The following DISP1 variants were observed in gnomAD, a reference collection of about 807,000 sequenced individuals.
DISP1 encodes dispatched RND transporter family member 1, also known as protein dispatched homolog 1.
Under a neutral mutation model 37.3 loss-of-function variants are expected in DISP1, and 30 were observed. The ratio of observed to expected loss-of-function variants is 0.80; its 90% confidence interval spans 0.60 to 1.09. DISP1 has a LOEUF of 1.09. DISP1 is among the 50% of genes least tolerant of loss of function. The pLI is 0.00. For missense variants in DISP1, 1,598 were observed against 1,879.5 expected, an observed-to-expected ratio of 0.85 and a Z score of 2.77; for synonymous variants, 634 against 690.2, an observed-to-expected ratio of 0.92 and a Z score of 1.28.
intron 1 of DISP1, among the ~76,000 whole-genome samples, chr1:222,824,601 TG>T (rs1255401628): frequency 6.6e-6 from 1 of 152,198 alleles, no homozygotes; most frequent in Non-Finnish European, 1.5e-5. Flanking sequence ...TTTAAGTATT[TG>T]TTAAATGTAA....
At chr1:222,909,526 T>C (rs1340500000) in intron 1 of DISP1, among the ~76,000 whole-genome samples, 1 of 152,210 alleles carries the variant, frequency 6.6e-6, no homozygotes, top group Non-Finnish European at 1.5e-5. Context: ...TTATCAGCAT[T>C]TATCAACTCT....
chr1:222,931,288 T>G lies in DISP1; in HGVS notation c.-18+2718T>G, dbSNP rs1266491251. 3.3e-5 allele frequency among the ~76,000 whole-genome samples: 5 copies of G among 150,498 alleles called. No homozygotes were observed. In the East Asian group the frequency reaches 7.9e-4, roughly 24 times the overall value. ...TTAGTTTGATTTACCTCAGTGATGT[T>G]TTTTTTTTTTCCTTTGGGCTGCTAA... On this transcript the variant is annotated intron_variant, in intron 2 of 8. Coordinates refer to ENST00000675850, the MANE Select transcript of DISP1 (RefSeq NM_001377229.1).
chr1:222,972,153 A>G (rs545906398), intron 3 of DISP1, among the ~76,000 whole-genome samples: 121 of 152,252 alleles, frequency 7.9e-4, no homozygotes, highest in African/African-American at 2.9e-3. Flanking sequence ...GAAATATGTT[A>G]TAACATGCAT....
At position 222,930,706 on chromosome 1, in the gene DISP1, A is replaced by G. The variant is rs77787400; in HGVS notation, c.-18+2136A>G. Among the ~76,000 whole-genome samples, 239 of 152,246 alleles carry G rather than the reference A, an allele frequency of 1.6e-3. 1 individual carries two copies. Among genetic ancestry groups the G allele is most frequent in the African/African-American group, 5.5e-3 (230 of 41,574 alleles). ...TGTAATTTCAGTTCATCTAATATAT[A>G]CAAGAAAGCAAACAGCAGAATTCAT... On this transcript the variant is annotated intron_variant, in intron 2 of 8. Coordinates refer to ENST00000675850, the MANE Select transcript of DISP1 (RefSeq NM_001377229.1).
At chr1:222,913,768 G>A (rs1176979997) in intron 1 of DISP1, among the ~76,000 whole-genome samples, 3 of 151,594 alleles carry the variant, frequency 2.0e-5, no homozygotes, top group Admixed American at 1.3e-4. Flanking sequence ...AAAAAGGAGT[G>A]AATAAAATAG....
chr1:222,948,234 C>T, intron 3 of DISP1, among the ~76,000 whole-genome samples: 1 of 152,188 alleles, frequency 6.6e-6, no homozygotes, highest in East Asian at 1.9e-4. Flanking sequence ...CATGACAATG[C>T]ACTGAGGGCA....
intron 1 of DISP1, among the ~76,000 whole-genome samples, chr1:222,921,394 T>A (rs1267432508): frequency 6.6e-6 from 1 of 152,188 alleles, no homozygotes; most frequent in Non-Finnish European, 1.5e-5. Flanking sequence ...CTCTTTATTT[T>A]TTTTTCCTTG....
intron 4 of DISP1, among the ~76,000 whole-genome samples, chr1:222,985,415 G>T (rs1678200334): frequency 6.6e-6 from 1 of 152,204 alleles, no homozygotes; most frequent in African/African-American, 2.4e-5. Context: ...ACTGTGGGAG[G>T]CCGAGGCGGG....
At chr1:222,888,144 G>C (rs1359301611) in intron 1 of DISP1, among the ~76,000 whole-genome samples, 1 of 152,144 alleles carries the variant, frequency 6.6e-6, no homozygotes, top group Admixed American at 6.6e-5. Flanking sequence ...AGATGGTTTA[G>C]CTTTATAAAA....
At chr1:222,899,635 G>A (rs1671472836) in intron 1 of DISP1, 1 of 152,174 alleles carries the variant, frequency 6.6e-6, no homozygotes, top group African/African-American at 2.4e-5. Context: ...CTGTAGTGCA[G>A]TGGCATGATC....
At position 222,925,019 on chromosome 1, in the gene DISP1, G is replaced by A. The variant is rs189017351; in HGVS notation, c.-158-3411G>A. ...TGTTTTCAGAAAATATTAGAACATCGTAAGGTCACTAGTACTTTTCTTTTC... is the reference window on the plus strand; with the variant it reads ...TGTTTTCAGAAAATATTAGAACATCATAAGGTCACTAGTACTTTTCTTTTC... On this transcript the variant is annotated intron_variant, in intron 1 of 8. Coordinates refer to ENST00000675850, the MANE Select transcript of DISP1 (RefSeq NM_001377229.1). 6.6e-5 allele frequency among the ~76,000 whole-genome samples: 10 copies of A among 152,114 alleles called. No individual in the cohort carries two copies. The East Asian group carries it at 7.7e-4, about 12-fold the overall frequency.
chr1:222,937,298 G>T (rs1674018348), intron 2 of DISP1, among the ~76,000 whole-genome samples: 1 of 151,572 alleles, frequency 6.6e-6, no homozygotes, highest in Admixed American at 6.6e-5. Context: ...CACCGTGTTA[G>T]CCAGGATGGT....
intron 2 of DISP1, among the ~76,000 whole-genome samples, chr1:222,932,055 T>C (rs2125459442): frequency 6.6e-6 from 1 of 152,110 alleles, no homozygotes; most frequent in South Asian, 2.1e-4. Context: ...TAGTTTAAAC[T>C]TAGAGTACCA....
intron 3 of DISP1, among the ~76,000 whole-genome samples, chr1:222,970,218 T>C (rs1289230172): frequency 1.4e-5 from 2 of 143,646 alleles, no homozygotes; most frequent in Non-Finnish European, 3.2e-5. Flanking sequence ...CAGTGTGACA[T>C]GCACCAGCAC....
Position 222,943,159 on chromosome 1 carries a change from G to C in DISP1, c.336G>C (p.Leu112Phe). The C allele has an allele frequency of 1.2e-6, 2 of 1,612,028 alleles. No homozygotes were observed. Among genetic ancestry groups the C allele is most frequent in the Non-Finnish European group, 1.7e-6 (2 of 1,178,208 alleles). The stretch of plus-strand genomic sequence containing the variant: ...CTGGCCCTGCAGCACCCTCTGCTTT[G>C]GCCTCGTGTTGCATGCAGCCACACT... ...PEAGPAAPSA[L>F]ASCCMQPHSE... The change falls in exon 3 of 9, where the codon TTG becomes TTC. Residue 112 changes from leucine to phenylalanine, a missense_variant. Physicochemically the swap from Leu to Phe is conservative, Grantham distance 22. Transcript: ENST00000675850.
rs1252754498 is a variant in DISP1, at chr1:223,005,405, C to G, written c.4008C>G (p.Pro1336=). ...CCATCACGCACATCCACCACTGTCC[C>G]TGCCTGCAGGGCAGAGTAAAGCCAG... ...VHPITHIHHC[P]CLQGRVKPAG... is the part of the protein sequence containing the mutation. The change falls in exon 9 of 9, where the codon CCC becomes CCG. Residue 1336 remains proline (P), a synonymous_variant. Transcript: ENST00000675850. 1 of 1,613,584 alleles carries G rather than the reference C, an allele frequency of 6.2e-7. No individual in the cohort carries two copies. The highest frequency in any genetic ancestry group is 8.5e-7 in the Non-Finnish European group (1 of 1,180,042).
intron 3 of DISP1, among the ~76,000 whole-genome samples, chr1:222,975,785 A>G (rs1435490745): frequency 6.6e-6 from 1 of 152,174 alleles, no homozygotes; most frequent in Admixed American, 6.5e-5. Context: ...GCCAAGGGCA[A>G]TTTGTTACTA....
chr1:222,856,646 G>A (rs1668562420), intron 1 of DISP1, among the ~76,000 whole-genome samples: 1 of 151,674 alleles, frequency 6.6e-6, no homozygotes, highest in Admixed American at 6.6e-5. Context: ...GATGGCATGT[G>A]CCATTTGGGC....
chr1:222,823,846 G>C (rs1474377231), intron 1 of DISP1: 1 of 114,950 alleles, frequency 8.7e-6, no homozygotes, highest in South Asian at 2.9e-4. Context: ...TTTTTTTTTC[G>C]GACTCCTAGT....
Sources: gnomAD v4.1 joint callset for allele counts (sites outside exome capture counted in the v4.1 genomes callset) on GRCh38, gnomAD v4.1.1 for gene constraint, MANE v1.5 for transcripts, NCBI Gene and HGNC (gene_info 2026-07-23, HGNC 2026-07-21) for gene names.